The following MSI2 variants were observed in gnomAD, a reference collection of about 807,000 sequenced individuals.
MSI2 encodes musashi RNA binding protein 2.
Under a neutral mutation model 45.6 loss-of-function variants are expected in MSI2, and 17 were observed. The observed-to-expected ratio is 0.37, with a 90% confidence interval of 0.26 to 0.56. The LOEUF is 0.56. MSI2 is among the 20% of genes least tolerant of loss of function. MSI2 has a pLI of 0.77. For synonymous variants in MSI2, 156 were observed against 158.2 expected (o/e 0.99, Z 0.11); for missense variants, 293 against 444.2 (o/e 0.66, Z 3.06).
chr17:57,590,335 A>G (rs1267620458), intron 7 of MSI2, among the ~76,000 whole-genome samples: 1 of 152,172 alleles, frequency 6.6e-6, no homozygotes, highest in East Asian at 1.9e-4. Context: ...CTTGTAAGTT[A>G]ACTGTCGATG....
the MSI2 span, among the ~76,000 whole-genome samples, chr17:57,689,835 C>T: frequency 6.6e-6 from 1 of 152,290 alleles, no homozygotes; most frequent in South Asian, 2.1e-4. Flanking sequence ...TTTTCAGATT[C>T]ATCAATGTTT....
chr17:57,446,637 G>C (rs1311165636), intron 6 of MSI2, among the ~76,000 whole-genome samples: 2 of 152,212 alleles, frequency 1.3e-5, no homozygotes. Context: ...TCAACTCTGG[G>C]AATGTTCTTA....
In MSI2 at chr17:57,474,095, G is replaced by T. The variant is rs114667301; in HGVS notation, c.406-55581G>T. On this transcript the variant is annotated intron_variant, in intron 6 of 13. Transcript: ENST00000284073. ...GATGAGGGGATATAGGAACTCTCACGCGAAGTTGGGGGTATTTGCTGATCT... is the reference window on the plus strand; with the variant it reads ...GATGAGGGGATATAGGAACTCTCACTCGAAGTTGGGGGTATTTGCTGATCT... Among the ~76,000 whole-genome samples the T allele has an allele frequency of 3.1e-3, 465 of 152,168 alleles. 3 individuals carry two copies. Among genetic ancestry groups the T allele is most frequent in the African/African-American group, 0.011 (440 of 41,496 alleles).
intron 7 of MSI2, among the ~76,000 whole-genome samples, chr17:57,547,009 G>A (rs191270501): frequency 3.9e-5 from 6 of 152,340 alleles, no homozygotes; most frequent in African/African-American, 7.2e-5. Flanking sequence ...AGCTGTTGGC[G>A]AGGGGGCCTG....
rs1325192513 is a variant in MSI2, at chr17:57,324,336, A to G, written c.312+62144A>G. Among the ~76,000 whole-genome samples, 3 of 152,196 alleles carry G rather than the reference A, an allele frequency of 2.0e-5. No homozygotes were observed. The East Asian group carries it at 5.8e-4, about 29-fold the overall frequency. On this transcript the variant is annotated intron_variant, in intron 5 of 13. Coordinates refer to ENST00000284073, the MANE Select transcript of MSI2 (RefSeq NM_138962.4). ...GGGGTACCGCATGAGGTGGCTGCAC[A>G]GACAGGAGGCAGCTTTTCCTCATCT...
At chr17:57,385,544 A>C (rs1370379240) in intron 5 of MSI2, among the ~76,000 whole-genome samples, 1 of 152,092 alleles carries the variant, frequency 6.6e-6, no homozygotes, top group Non-Finnish European at 1.5e-5. Flanking sequence ...CCAGCTACTC[A>C]CAAGGCTGAG....
intron 5 of MSI2, among the ~76,000 whole-genome samples, chr17:57,277,053 CTTTTTTTTTTTT>C (rs34561938): frequency 8.0e-6 from 1 of 124,996 alleles, no homozygotes; most frequent in Non-Finnish European, 1.7e-5. Flanking sequence ...GTTTTCTTTT[CTTTTTTTTTTTT>C]TTTTTTTTGA....
chr17:57,272,300 C>G (rs558910969), intron 5 of MSI2, among the ~76,000 whole-genome samples: 1 of 152,278 alleles, frequency 6.6e-6, no homozygotes, highest in Admixed American at 6.5e-5. Context: ...TTCAACTTAG[C>G]GGCATTTTGT....
intron 6 of MSI2, among the ~76,000 whole-genome samples, chr17:57,440,413 C>CAT (rs1491418144): frequency 2.9e-5 from 3 of 104,530 alleles, no homozygotes; most frequent in Admixed American, 1.1e-4. Context: ...GTTTGTTATC[C>CAT]GTGTGTGTGT....
In MSI2 at chr17:57,372,188, A is replaced by G. The variant is rs116528840; in HGVS notation, c.313-29191A>G. ...GATCAACTTGAATTGCTTATTTTAA[A>G]CAGCCCTCTTCAGTGTAGTTTGGCA... is the stretch of plus-strand genomic sequence containing the variant. On this transcript the variant is annotated intron_variant, in intron 5 of 13. Coordinates refer to ENST00000284073, the MANE Select transcript of MSI2 (RefSeq NM_138962.4). Among the ~76,000 whole-genome samples the G allele has an allele frequency of 4.0e-3, 603 of 152,310 alleles. 2 individuals carry two copies. The highest frequency in any genetic ancestry group is 0.014 in the African/African-American group (575 of 41,558).
intron 6 of MSI2, among the ~76,000 whole-genome samples, chr17:57,455,824 G>C (rs990137893): frequency 6.6e-6 from 1 of 152,172 alleles, no homozygotes; most frequent in South Asian, 2.1e-4. Flanking sequence ...TTGGGAAAAC[G>C]TTGGCTTTGC....
At chr17:57,436,668 A>G (rs2084696623) in intron 6 of MSI2, among the ~76,000 whole-genome samples, 1 of 152,210 alleles carries the variant, frequency 6.6e-6, no homozygotes, top group Non-Finnish European at 1.5e-5. Flanking sequence ...AGCAGGCAGA[A>G]TTGGAGACTT....
chr17:57,269,583 C>T (rs1320942809), intron 5 of MSI2, among the ~76,000 whole-genome samples: 1 of 152,210 alleles, frequency 6.6e-6, no homozygotes, highest in African/African-American at 2.4e-5. Flanking sequence ...AAAGAGCTCT[C>T]TCATTCTCTT....
intron 6 of MSI2, among the ~76,000 whole-genome samples, chr17:57,517,970 A>C (rs1766745483): frequency 6.6e-6 from 1 of 152,072 alleles, no homozygotes; most frequent in Non-Finnish European, 1.5e-5. Flanking sequence ...TCTGCAACCA[A>C]CTCTGCGTGT....
chr17:57,575,762 G>A (rs1334627293), intron 7 of MSI2, among the ~76,000 whole-genome samples: 4 of 151,810 alleles, frequency 2.6e-5, no homozygotes, highest in South Asian at 2.1e-4. Flanking sequence ...TGGCTAACAC[G>A]GTGAAACCCC....
chr17:57,275,348 C>T (rs1001727847), intron 5 of MSI2, among the ~76,000 whole-genome samples: 4 of 152,140 alleles, frequency 2.6e-5, no homozygotes, highest in African/African-American at 9.7e-5. Context: ...ATGAAAGAGC[C>T]CCAGCTAGGA....
At chr17:57,564,747 T>C (rs2087686545) in intron 7 of MSI2, among the ~76,000 whole-genome samples, 1 of 152,236 alleles carries the variant, frequency 6.6e-6, no homozygotes, top group Non-Finnish European at 1.5e-5. Context: ...AATTGTATGG[T>C]ATTTCCTTTG....
rs753517265 is a variant in MSI2, at chr17:57,258,328, C to A, written c.244C>A (p.Pro82Thr). ...AAGTGTAGATAAAGTATTAGGTCAG[C>A]CCCACCATGAGTTAGATTCCAAGAC... is the stretch of plus-strand genomic sequence containing the variant. Reference protein sequence around the residue: ...PASVDKVLGQPHHELDSKTID... With the variant: ...PASVDKVLGQTHHELDSKTID... The change falls in exon 4 of 14, where the codon CCC (proline) becomes ACC (threonine). Residue 82 changes from proline to threonine, a missense_variant. By Grantham distance (38) the Pro-to-Thr change is conservative (BLOSUM62 -1). Coordinates refer to ENST00000284073, the MANE Select transcript of MSI2 (RefSeq NM_138962.4). The A allele has an allele frequency of 5.6e-6, 9 of 1,614,046 alleles. No homozygotes were observed. Among genetic ancestry groups the A allele is most frequent in the Admixed American group, 3.3e-5 (2 of 60,026 alleles).
rs778007624 is a variant in MSI2, at chr17:57,652,112, G to A, written c.741G>A (p.Ala247=). Residue 247 remains alanine (A), a synonymous_variant, in exon 11 of 14, where the codon GCG becomes GCA. Coordinates refer to ENST00000284073, the MANE Select transcript of MSI2 (RefSeq NM_138962.4). The surrounding 1 kb of genome is among the most constrained non-coding windows in gnomAD (Gnocchi z 4.1). ...TCTCCTGACCAGGCTTCCCAGCAGC[G>A]GCTTATGGACCAGTGGCAGCAGCGG... ...YGYQFPGFPA[A]AYGPVAAAAV... 68 of 1,613,956 alleles carry A rather than the reference G, an allele frequency of 4.2e-5. No homozygotes were observed. Among genetic ancestry groups the A allele is most frequent in the Middle Eastern group, 3.3e-4 (2 of 6,082 alleles).
Sources: gnomAD v4.1 joint callset for allele counts (sites outside exome capture counted in the v4.1 genomes callset) on GRCh38, gnomAD v4.1.1 for gene constraint, Gnocchi (gnomAD v3.1) non-coding constraint, MANE v1.5 for transcripts, NCBI Gene and HGNC (gene_info 2026-07-23, HGNC 2026-07-21) for gene names.